The following TIAM2 variants were observed in gnomAD, a reference collection of about 807,000 sequenced individuals.
The protein encoded by TIAM2 is rho guanine nucleotide exchange factor TIAM2.
In TIAM2, 80 loss-of-function variants were observed where a neutral mutation model predicts 152.9. The observed-to-expected ratio is 0.52, with a 90% CI of 0.44 to 0.63. The LOEUF is 0.63. TIAM2 is among the 30% of genes least tolerant of loss of function. The pLI is 0.00. For missense variants in TIAM2, 1,965 were observed against 2,120.1 expected (o/e 0.93, Z 1.44); for synonymous variants, 804 against 838.0 (o/e 0.96, Z 0.70).
chr6:155,244,828 G>A (rs200159188), intron 18 of TIAM2, 45 bp downstream of exon 18: 20 of 1,561,574 alleles, frequency 1.3e-5, no homozygotes, highest in Non-Finnish European at 4.3e-6. Context: ...ACGTGGCTAT[G>A]GTACGTATTT....
chr6:155,140,591 A>T (rs1211194962), intron 5 of TIAM2, among the ~76,000 whole-genome samples: 7 of 149,902 alleles, frequency 4.7e-5, no homozygotes, highest in Admixed American at 3.3e-4. Flanking sequence ...AGAGAGAGAG[A>T]GAGAGAGAGA....
intron 2 of TIAM2, among the ~76,000 whole-genome samples, chr6:155,114,028 A>ATC: frequency 2.3e-5 from 1 of 42,602 alleles, no homozygotes; most frequent in South Asian, 9.6e-4. Flanking sequence ...ATATATATAT[A>ATC]TATATATATT....
chr6:155,114,050 C>CTTTTTTTTTT (rs1275422426), intron 2 of TIAM2, among the ~76,000 whole-genome samples: 7 of 58,258 alleles, frequency 1.2e-4, no homozygotes, highest in Non-Finnish European at 2.0e-4. Flanking sequence ...TTTTTTTTTT[C>CTTTTTTTTTT]TTTTTTTTTT....
At chr6:155,131,288 A>C (rs1779439468) in intron 4 of TIAM2, among the ~76,000 whole-genome samples, 1 of 151,592 alleles carries the variant, frequency 6.6e-6, no homozygotes, top group Non-Finnish European at 1.5e-5. Flanking sequence ...TGAACCTGGG[A>C]GGCAGAGGTT....
At chr6:155,105,454 T>TAAAAAAAAAAAA (rs1460379306) in intron 2 of TIAM2, among the ~76,000 whole-genome samples, 3 of 152,142 alleles carry the variant, frequency 2.0e-5, no homozygotes, top group African/African-American at 7.2e-5. Flanking sequence ...TGGCCCTGGC[T>TAAAAAAAAAAAA]AATTTTTTTA....
intron 1 of TIAM2, chr6:155,005,181 A>G (rs1583146362): frequency 4.4e-6 from 1 of 227,602 alleles, no homozygotes; most frequent in East Asian, 1.1e-4. Context: ...CTTGTCCCTC[A>G]TTTCCCCTTT....
intron 11 of TIAM2, 78 bp from the exon 12 acceptor site, chr6:155,179,300 T>G: frequency 6.6e-7 from 1 of 1,514,494 alleles, no homozygotes; most frequent in Non-Finnish European, 9.2e-7. Flanking sequence ...TCTTGTTTTA[T>G]GAAAAATAGT....
intron 15 of TIAM2, among the ~76,000 whole-genome samples, chr6:155,215,726 A>G (rs1306985208): frequency 8.1e-6 from 1 of 123,320 alleles, no homozygotes; most frequent in Non-Finnish European, 1.8e-5. Flanking sequence ...AAAAATTTTA[A>G]ATTTTTTTTT....
intron 1 of TIAM2, among the ~76,000 whole-genome samples, chr6:155,067,791 A>G (rs1332589249): frequency 2.0e-5 from 3 of 151,964 alleles, no homozygotes; most frequent in African/African-American, 7.3e-5. Flanking sequence ...ACAGGTATGC[A>G]CCACCACGCC....
intron 3 of TIAM2, among the ~76,000 whole-genome samples, chr6:155,128,713 C>A (rs1374437841): frequency 6.7e-6 from 1 of 150,100 alleles, no homozygotes; most frequent in Non-Finnish European, 1.5e-5. Context: ...AAAAAAAAAA[C>A]CCCGAGCTTG....
chr6:155,049,771 C>T (rs1257798027), intron 1 of TIAM2, among the ~76,000 whole-genome samples: 2 of 148,954 alleles, frequency 1.3e-5, no homozygotes, highest in Admixed American at 1.3e-4. Flanking sequence ...TCATTTAAAA[C>T]TTTCCTTTTA....
intron 1 of TIAM2, among the ~76,000 whole-genome samples, chr6:155,058,367 A>T (rs1273721115): frequency 6.6e-6 from 1 of 152,230 alleles, no homozygotes; most frequent in Non-Finnish European, 1.5e-5. Context: ...AGATGATTTT[A>T]ACATGCATCC....
At chr6:155,208,492 C>G (rs905874639) in intron 14 of TIAM2, among the ~76,000 whole-genome samples, 23 of 152,104 alleles carry the variant, frequency 1.5e-4, no homozygotes, top group Non-Finnish European at 2.6e-4. Context: ...TCTGTGAAGG[C>G]CTTTCTGGGC....
chr6:155,003,411 C>T (rs1778346980), intron 1 of TIAM2, among the ~76,000 whole-genome samples: 1 of 150,720 alleles, frequency 6.6e-6, no homozygotes, highest in Admixed American at 6.6e-5. Flanking sequence ...ACCCGGGAGG[C>T]AGAGGTTGCA....
chr6:155,226,246 G>T (rs1286114573), intron 15 of TIAM2, among the ~76,000 whole-genome samples: 4 of 152,234 alleles, frequency 2.6e-5, no homozygotes, highest in Admixed American at 2.6e-4. Flanking sequence ...AGAAGTAAGT[G>T]TGACGGCTGA....
intron 7 of TIAM2, among the ~76,000 whole-genome samples, chr6:155,164,133 G>GTTTTTTT (rs375238178): frequency 0.018 from 2,117 of 117,710 alleles, 273 homozygotes; most frequent in African/African-American, 0.029. Flanking sequence ...TAATTTTTGT[G>GTTTTTTT]TTTTTTTTTT....
At chr6:155,176,737 T>C in intron 9 of TIAM2, 79 bp from the exon 10 acceptor site, 2 of 1,487,550 alleles carry the variant, frequency 1.3e-6, no homozygotes, top group South Asian at 1.2e-5. Flanking sequence ...ACTCCGTAAA[T>C]GAACAGGACA....
rs10643930 is a variant in TIAM2 at position 155,158,777 on chromosome 6, GT to G, written c.2029-5627del. ...TCACCACGTTGACCAGGCTGCAAGT[GT>G]TTTTTTTTTTCTTTTTATATCATAT... On this transcript the variant is annotated intron_variant, in intron 7 of 26. Transcript: ENST00000682666. Among the ~76,000 whole-genome samples the G allele has an allele frequency of 2.6e-4, 38 of 145,898 alleles. 1 individual carries two copies. The East Asian group carries it at 4.4e-3, about 17-fold the overall frequency.
chr6:155,034,202 A>C (rs1299790431), intron 1 of TIAM2, among the ~76,000 whole-genome samples: 1 of 152,070 alleles, frequency 6.6e-6, no homozygotes, highest in African/African-American at 2.4e-5. Flanking sequence ...GTTTCTGCCC[A>C]GTCAATATAA....
Sources: allele counts gnomAD v4.1 joint callset (sites outside exome capture counted in the v4.1 genomes callset), GRCh38; gene constraint gnomAD v4.1.1; transcripts MANE v1.5; gene names NCBI Gene and HGNC (gene_info 2026-07-23, HGNC 2026-07-21).